The following FAM120C variants were observed in gnomAD, a reference collection of about 807,000 sequenced individuals.
FAM120C encodes constitutive coactivator of PPAR-gamma-like protein 2.
In FAM120C, 14 loss-of-function variants were observed where a neutral mutation model predicts 71.2. The observed-to-expected ratio is 0.20, with a 90% CI of 0.13 to 0.31. The LOEUF is 0.31. Among genes scored for constraint, FAM120C ranks in the 10% least tolerant of loss-of-function variants. The pLI is 1.00. For synonymous variants in FAM120C, 354 were observed against 353.2 expected (o/e 1.00, Z -0.03); for missense variants, 500 against 879.0 (o/e 0.57, Z 5.45).
At chrX:54,161,681 G>C (rs1012374372) in intron 1 of FAM120C, among the ~76,000 whole-genome samples, 1 of 112,398 alleles carries the variant, frequency 8.9e-6, no homozygotes, top group Non-Finnish European at 1.9e-5. Flanking sequence ...ACCCAGACTG[G>C]AGTGCAGTGG....
At chrX:54,172,628 G>C (rs1603365281) in intron 1 of FAM120C, among the ~76,000 whole-genome samples, 1 of 111,950 alleles carries the variant, frequency 8.9e-6, no homozygotes, top group African/African-American at 3.2e-5. Flanking sequence ...CCAAGAGTCA[G>C]GTTACATCAA....
chrX:54,171,227 T>C (rs1264431181), intron 1 of FAM120C, among the ~76,000 whole-genome samples: 1 of 111,435 alleles, frequency 9.0e-6, no homozygotes, highest in Non-Finnish European at 1.9e-5. Flanking sequence ...AGACCCTGTC[T>C]CTAAAACAAA....
intron 4 of FAM120C, among the ~76,000 whole-genome samples, chrX:54,142,435 C>T (rs917238818): frequency 3.6e-5 from 4 of 112,384 alleles, no homozygotes; most frequent in Admixed American, 2.8e-4. Flanking sequence ...TTATATCTCA[C>T]GCCTGGCTCG....
chrX:54,169,968 A>G (rs1453617478), intron 1 of FAM120C, among the ~76,000 whole-genome samples: 3 of 111,836 alleles, frequency 2.7e-5, no homozygotes, highest in African/African-American at 9.8e-5. Context: ...AAACATTGAT[A>G]AAGTGGCCTT....
intron 3 of FAM120C, among the ~76,000 whole-genome samples, chrX:54,155,046 C>T (rs2146632000): frequency 9.1e-6 from 1 of 109,564 alleles, no homozygotes; most frequent in South Asian, 3.9e-4. Context: ...ACAAAAAATA[C>T]AAAAAAAATT....
At chrX:54,096,148 C>T (rs868984972) in intron 10 of FAM120C, among the ~76,000 whole-genome samples, 2 of 110,711 alleles carry the variant, frequency 1.8e-5, no homozygotes, top group Non-Finnish European at 1.9e-5. Context: ...TGGTGGCTCA[C>T]GCCTGTAATC....
At chrX:54,155,796 T>G (rs1380846877) in intron 3 of FAM120C, among the ~76,000 whole-genome samples, 1 of 111,267 alleles carries the variant, frequency 9.0e-6, no homozygotes, top group Non-Finnish European at 1.9e-5. Context: ...TGCTCTTAAG[T>G]TGGCCAAAGG....
chrX:54,142,880 T>G, intron 4 of FAM120C, among the ~76,000 whole-genome samples: 1 of 111,507 alleles, frequency 9.0e-6, no homozygotes, highest in Middle Eastern at 4.6e-3. Flanking sequence ...GGTGCCCCTC[T>G]GAGATGAAGC....
chrX:54,174,807 A>G (rs2067307721), intron 1 of FAM120C, among the ~76,000 whole-genome samples: 1 of 112,185 alleles, frequency 8.9e-6, no homozygotes, highest in Non-Finnish European at 1.9e-5. Flanking sequence ...TGCATGGGCC[A>G]CATAAGGCCT....
intron 13 of FAM120C, among the ~76,000 whole-genome samples, chrX:54,083,477 A>ACACACACACACACACC (rs1269380471): frequency 8.6e-5 from 9 of 104,832 alleles, no homozygotes; most frequent in African/African-American, 2.9e-4. Flanking sequence ...ACACACACAC[A>ACACACACACACACACC]CCAAAATATT....
intron 10 of FAM120C, among the ~76,000 whole-genome samples, chrX:54,097,861 G>A (rs1485498264): frequency 1.9e-5 from 2 of 107,270 alleles, no homozygotes; most frequent in Non-Finnish European, 3.9e-5. Flanking sequence ...CGAATAGCTG[G>A]GACTACAGGC....
intron 10 of FAM120C, among the ~76,000 whole-genome samples, chrX:54,114,026 A>G (rs2066953216): frequency 1.2e-5 from 1 of 84,028 alleles, no homozygotes; most frequent in Admixed American, 1.5e-4. Context: ...ATGAATGATT[A>G]AAGAAAGTGT....
intron 10 of FAM120C, among the ~76,000 whole-genome samples, chrX:54,113,390 G>A (rs1603355266): frequency 9.2e-6 from 1 of 108,873 alleles, no homozygotes; most frequent in East Asian, 2.9e-4. Flanking sequence ...AGGCTGGGAG[G>A]CTGAGGCTGC....
At chrX:54,101,899 C>G (rs1442725675) in intron 10 of FAM120C, among the ~76,000 whole-genome samples, 1 of 112,014 alleles carries the variant, frequency 8.9e-6, no homozygotes, top group African/African-American at 3.2e-5. Context: ...TAAGCCTTCA[C>G]TAGAATCTTG....
rs2066803073 is a variant in FAM120C, at chrX:54,087,972, C to A, written c.2428-8G>T. The A allele has an allele frequency of 8.4e-7, 1 of 1,185,848 alleles. No individual in the cohort carries two copies. Among genetic ancestry groups the A allele is most frequent in the Non-Finnish European group, 1.1e-6 (1 of 875,352 alleles). ...GGCATCCAGTTTCTCAATCTGAAAC[C>A]ACCACAGATGAAATATTACTATTAA... On this transcript the variant is annotated splice_polypyrimidine_tract_variant and splice_region_variant and intron_variant, in intron 11 of 15. Transcript: ENST00000375180.
At chrX:54,132,584 G>T in intron 9 of FAM120C, 108 bp downstream of exon 9, 2 of 565,542 alleles carry the variant, frequency 3.5e-6, no homozygotes, top group African/African-American at 2.3e-5. Context: ...GTTGAATGTT[G>T]CATTTTCTTA....
At chrX:54,118,960 C>A (rs1420187081) in intron 9 of FAM120C, among the ~76,000 whole-genome samples, 2 of 31,117 alleles carry the variant, frequency 6.4e-5, no homozygotes, top group Non-Finnish European at 1.1e-4. Flanking sequence ...TGAGAATATG[C>A]GGTGTTTGGT....
chrX:54,125,384 T>C (rs1190531990), intron 9 of FAM120C, among the ~76,000 whole-genome samples: 2 of 111,265 alleles, frequency 1.8e-5, no homozygotes, highest in Non-Finnish European at 3.8e-5. Flanking sequence ...CTGCAACTTC[T>C]ACCCACTGGG....
At chrX:54,127,088 G>T (rs1360408504) in intron 9 of FAM120C, among the ~76,000 whole-genome samples, 2 of 111,105 alleles carry the variant, frequency 1.8e-5, no homozygotes, top group Non-Finnish European at 3.8e-5. Flanking sequence ...GCTATCTGGG[G>T]TTCCTTTTAT....
Sources: gnomAD v4.1 joint callset for allele counts (sites outside exome capture counted in the v4.1 genomes callset) on GRCh38, gnomAD v4.1.1 for gene constraint, MANE v1.5 for transcripts, NCBI Gene and HGNC (gene_info 2026-07-23, HGNC 2026-07-21) for gene names.